Variants in ANKRD10 observed in about 807,000 individuals in gnomAD.
ANKRD10 encodes the protein ankyrin repeat domain-containing protein 10.
ANKRD10 carries 14 observed loss-of-function variants against 27.0 expected under a neutral mutation model. That is an observed-to-expected ratio of 0.52 (90% CI 0.34 to 0.81). The LOEUF (loss-of-function observed/expected upper bound fraction) is 0.81. Ranked by LOEUF, ANKRD10 falls within the 40% of genes least tolerant of loss-of-function variation. The probability of loss-of-function intolerance (pLI) is 0.01; values close to 1 mark genes in which losing one functional copy is unlikely to be tolerated. For synonymous variants in ANKRD10, 250 were observed against 224.5 expected, an observed-to-expected ratio of 1.11 and a Z score of -1.01; for missense variants, 493 against 544.0, an observed-to-expected ratio of 0.91 and a Z score of 0.93.
At chr13:110,886,215 T>C (rs540807929) in intron 4 of ANKRD10, among the ~76,000 whole-genome samples, 3 of 152,316 alleles carry the variant, frequency 2.0e-5, no homozygotes, top group Non-Finnish European at 2.9e-5. Context: ...GGAAACACAC[T>C]AGTCTCCCAG....
intron 4 of ANKRD10, 55 bp downstream of exon 4, chr13:110,892,973 C>T (rs1168630396): frequency 6.3e-7 from 1 of 1,596,146 alleles, no homozygotes; most frequent in Non-Finnish European, 8.5e-7. Context: ...AAAAAGAAAA[C>T]ATATTACAGA....
At chr13:110,910,075 G>A (rs1352526352) in intron 2 of ANKRD10, among the ~76,000 whole-genome samples, 1 of 152,176 alleles carries the variant, frequency 6.6e-6, no homozygotes, top group African/African-American at 2.4e-5. Context: ...TAGGTGAAAT[G>A]ATACTGAAAA....
intron 3 of ANKRD10, chr13:110,900,505 T>TA: frequency 7.9e-7 from 1 of 1,260,618 alleles, no homozygotes; most frequent in South Asian, 1.4e-5. Context: ...AGATTAGCGT[T>TA]AAAACCAATC....
chr13:110,891,768 A>G (rs1218998853), intron 4 of ANKRD10, among the ~76,000 whole-genome samples: 2 of 152,058 alleles, frequency 1.3e-5, no homozygotes, highest in African/African-American at 2.4e-5. Context: ...TATACTCAGC[A>G]AATCTGAGCT....
At chr13:110,886,225 G>T (rs2064927804) in intron 4 of ANKRD10, among the ~76,000 whole-genome samples, 2 of 152,238 alleles carry the variant, frequency 1.3e-5, no homozygotes, top group Admixed American at 1.3e-4. Context: ...TAGTCTCCCA[G>T]CAACAATTAA....
chr13:110,896,909 C>T (rs1242706349), intron 3 of ANKRD10, among the ~76,000 whole-genome samples: 2 of 152,082 alleles, frequency 1.3e-5, no homozygotes, highest in Non-Finnish European at 2.9e-5. Context: ...AACATTTAAC[C>T]AAATAGATGA....
rs147440494 is a variant in ANKRD10 at position 110,890,229 on chromosome 13, A to G, written c.691+2799T>C. ...GGTCAGTTAATATGGAAATAATTATATATCTATTGAAACCAAGAACAATTT... is the reference window on the plus strand; with the variant it reads ...GGTCAGTTAATATGGAAATAATTATGTATCTATTGAAACCAAGAACAATTT... On this transcript the variant is annotated intron_variant, in intron 4 of 5. Transcript: ENST00000267339. 1.7e-3 allele frequency among the ~76,000 whole-genome samples: 263 copies of G among 152,358 alleles called. 1 individual carries two copies. The highest frequency in any genetic ancestry group is 3.1e-3 in the Non-Finnish European group (214 of 68,038).
intron 4 of ANKRD10, 94 bp from the exon 5 acceptor site, chr13:110,883,887 A>G: frequency 7.2e-7 from 1 of 1,392,088 alleles, no homozygotes; most frequent in African/African-American, 1.4e-5. Flanking sequence ...TGAGCACTGA[A>G]CACTTTAAAC....
At chr13:110,898,257 A>G (rs2065281556) in intron 3 of ANKRD10, among the ~76,000 whole-genome samples, 1 of 152,216 alleles carries the variant, frequency 6.6e-6, no homozygotes, top group Non-Finnish European at 1.5e-5. Context: ...GAGTTCCTCC[A>G]ACTTTTTTAA....
At chr13:110,880,977 T>G (rs2064806182) in intron 5 of ANKRD10, among the ~76,000 whole-genome samples, 1 of 152,218 alleles carries the variant, frequency 6.6e-6, no homozygotes, top group African/African-American at 2.4e-5. Context: ...GTTGGTAGTT[T>G]AATCTGCATA....
chr13:110,879,393 A>G lies in ANKRD10; in HGVS notation c.*244T>C, dbSNP rs1037347739. 2.3e-5 allele frequency: 11 copies of G among 486,318 alleles called. No homozygotes were observed. Among genetic ancestry groups the G allele is most frequent in the African/African-American group, 1.9e-4 (10 of 52,568 alleles). 30.1% of individuals were successfully genotyped at this position (486,318 alleles called of 1,614,324 possible). On this transcript the variant is annotated 3_prime_UTR_variant, in exon 6 of 6. Coordinates refer to ENST00000267339, the MANE Select transcript of ANKRD10 (RefSeq NM_017664.4). The stretch of plus-strand genomic sequence containing the variant: ...AAGACAATGTTGAGATTGGCATCAG[A>G]AAAACTCCAAAAGTGCACCTTATAA...
chr13:110,907,863 A>C (rs915343383), intron 2 of ANKRD10, among the ~76,000 whole-genome samples: 1 of 152,310 alleles, frequency 6.6e-6, no homozygotes, highest in Middle Eastern at 3.4e-3. Flanking sequence ...GTTTTGCCAA[A>C]AAAGAAAAAG....
Position 110,894,403 on chromosome 13 carries a change from CAAAAAAAAAAAAA to C in ANKRD10, c.456-1153_456-1141del, listed in dbSNP as rs5806877. ...GCCTTTCTTGGGGTTACTGTTAATG[CAAAAAAAAAAAAA>C]AAAAAAAAAAACCCCGCATTTGAGA... is the stretch of plus-strand genomic sequence containing the variant. On this transcript the variant is annotated intron_variant, in intron 3 of 5. Coordinates refer to ENST00000267339, the MANE Select transcript of ANKRD10 (RefSeq NM_017664.4). 4.8e-4 allele frequency: 30 copies of C among 62,722 alleles called. 1 individual carries two copies. The East Asian group carries it at 0.014, about 30-fold the overall frequency. 3.9% of individuals were successfully genotyped at this position (62,722 alleles called of 1,614,324 possible). A position where few individuals can be genotyped will look rare whatever the true frequency, so the allele number is the denominator to read the frequency against.
At chr13:110,884,295 C>A (rs998740472) in intron 4 of ANKRD10, among the ~76,000 whole-genome samples, 3 of 152,038 alleles carry the variant, frequency 2.0e-5, no homozygotes, top group South Asian at 2.1e-4. Flanking sequence ...ATCTGAGCAC[C>A]AAAATACAGT....
At chr13:110,883,633 C>G in intron 5 of ANKRD10, 65 bp downstream of exon 5, 2 of 1,598,398 alleles carry the variant, frequency 1.3e-6, no homozygotes, top group Non-Finnish European at 1.7e-6. Context: ...AACCACTCTC[C>G]TGCTGTTTGG....
At chr13:110,889,471 AAAT>A (rs1311735599) in intron 4 of ANKRD10, among the ~76,000 whole-genome samples, 4 of 152,108 alleles carry the variant, frequency 2.6e-5, no homozygotes, top group Non-Finnish European at 5.9e-5. Context: ...ACACAGATGC[AAAT>A]AATTTTATGA....
At chr13:110,890,327 G>GAC (rs1346775200) in intron 4 of ANKRD10, among the ~76,000 whole-genome samples, 2 of 152,158 alleles carry the variant, frequency 1.3e-5, no homozygotes, top group African/African-American at 2.4e-5. Context: ...CCCAATACCC[G>GAC]ACATCAGCAC....
At chr13:110,900,690 C>T (rs1281191769) in intron 3 of ANKRD10, 5 of 1,350,848 alleles carry the variant, frequency 3.7e-6, no homozygotes, top group African/African-American at 3.0e-5. Context: ...ATTCGAATTA[C>T]GTAGCTGTAA....
rs570802385 is a variant in ANKRD10, at chr13:110,892,126, C to CA, written c.691+901dup. On this transcript the variant is annotated intron_variant, in intron 4 of 5. Coordinates refer to ENST00000267339, the MANE Select transcript of ANKRD10 (RefSeq NM_017664.4). ...TGCAAACTCAAACCTACCTTAAAAA[C>CA]AAAAAACAAAAAACCCAAAAAACGG... is the stretch of plus-strand genomic sequence containing the variant. Among the ~76,000 whole-genome samples, 501 of 147,836 alleles carry CA rather than the reference C, an allele frequency of 3.4e-3. 2 individuals are homozygous for CA. Among genetic ancestry groups the CA allele is most frequent in the Admixed American group, 5.9e-3 (88 of 14,924 alleles).
Sources: gnomAD v4.1 joint callset for allele counts (sites outside exome capture counted in the v4.1 genomes callset) on GRCh38, gnomAD v4.1.1 for gene constraint, MANE v1.5 for transcripts, NCBI Gene and HGNC (gene_info 2026-07-23, HGNC 2026-07-21) for gene names.